Variants in TSPAN33 observed in about 807,000 individuals in gnomAD.
The protein encoded by TSPAN33 is tetraspanin-33.
Under a neutral mutation model 34.8 loss-of-function variants are expected in TSPAN33, and 27 were observed. The ratio of observed to expected loss-of-function variants is 0.78; its 90% CI spans 0.57 to 1.07. TSPAN33 has a LOEUF of 1.07. Ranked by LOEUF, TSPAN33 falls within the 50% of genes least tolerant of loss-of-function variation. The probability of loss-of-function intolerance (pLI) is 0.00; values close to 1 mark genes in which losing one functional copy is unlikely to be tolerated. For missense variants in TSPAN33, 272 were observed against 324.9 expected (o/e 0.84, Z 1.25); for synonymous variants, 119 against 124.2 (o/e 0.96, Z 0.28).
At chr7:129,158,293 A>C (rs1308680111) in intron 1 of TSPAN33, among the ~76,000 whole-genome samples, 1 of 152,252 alleles carries the variant, frequency 6.6e-6, no homozygotes, top group Non-Finnish European at 1.5e-5. Flanking sequence ...AGACGTGGAC[A>C]TCTTTGAGGG....
Position 129,167,520 on chromosome 7 carries a change from TCTTA to T in TSPAN33, c.714_717del (p.Leu239ValfsTer5), listed in dbSNP as rs749855167. On this transcript the variant is annotated frameshift_variant, in exon 7 of 8. Coordinates refer to ENST00000486685, the MANE Select transcript of TSPAN33 (RefSeq NM_178562.5). LOFTEE classifies it high-confidence loss of function. The surrounding 1 kb of genome is among the most constrained non-coding windows in gnomAD (Gnocchi z 4.6). ...GTCAACTGGATACACAGCAACCTAT[TCTTA>T]CTTGGTGGTGTGGCTCTAGGCCTGG... 9 of 1,614,180 alleles carry T rather than the reference TCTTA, an allele frequency of 5.6e-6. 1 individual carries two copies. The South Asian group carries it at 6.6e-5, about 12-fold the overall frequency.
intron 1 of TSPAN33, among the ~76,000 whole-genome samples, chr7:129,151,584 T>TGTA (rs1237668399): frequency 6.6e-6 from 1 of 152,166 alleles, no homozygotes; most frequent in Non-Finnish European, 1.5e-5. Flanking sequence ...CCTGAAGTAC[T>TGTA]GTCTTGTGGG....
At position 129,147,529 on chromosome 7, in the gene TSPAN33, G is replaced by A. The variant is rs969172064; in HGVS notation, c.102+2447G>A. On this transcript the variant is annotated intron_variant, in intron 1 of 7. Transcript: ENST00000486685. ...AAATGCTGCCTCCCCAGATCAGGGGGCCATCTTTCTTCCTAGCTCCTCTTC... is the reference window on the plus strand; with the variant it reads ...AAATGCTGCCTCCCCAGATCAGGGGACCATCTTTCTTCCTAGCTCCTCTTC... Among the ~76,000 whole-genome samples, 8 of 152,176 alleles carry A rather than the reference G, an allele frequency of 5.3e-5. 1 individual carries two copies. In the South Asian group the frequency reaches 1.4e-3, roughly 28 times the overall value.
At chr7:129,160,282 G>T (rs1332547012) in intron 1 of TSPAN33, among the ~76,000 whole-genome samples, 2 of 152,162 alleles carry the variant, frequency 1.3e-5, no homozygotes, top group African/African-American at 4.8e-5. Flanking sequence ...CTTTCCAGCT[G>T]CTTTCCGTCT....
At chr7:129,149,821 C>T (rs774896421) in intron 1 of TSPAN33, among the ~76,000 whole-genome samples, 6 of 152,230 alleles carry the variant, frequency 3.9e-5, no homozygotes, top group Admixed American at 2.0e-4. Context: ...AGAGGGAGAG[C>T]GCTGACAGCC....
At chr7:129,162,294 C>T in intron 2 of TSPAN33, 100 bp from the exon 3 acceptor site, 1 of 1,546,778 alleles carries the variant, frequency 6.5e-7, no homozygotes, top group Non-Finnish European at 8.7e-7. Flanking sequence ...TGGAGATTCC[C>T]CCACCAGGGG....
At chr7:129,157,067 C>G (rs1179078818) in intron 1 of TSPAN33, among the ~76,000 whole-genome samples, 1 of 152,196 alleles carries the variant, frequency 6.6e-6, no homozygotes, top group Admixed American at 6.5e-5. Flanking sequence ...TATCTCCATC[C>G]TCATCGTGAA....
At position 129,144,804 on chromosome 7, in the gene TSPAN33, C is replaced by T. The variant is rs1430117274; in HGVS notation, c.-177C>T. On this transcript the variant is annotated 5_prime_UTR_variant, in exon 1 of 8. Coordinates refer to ENST00000486685, the MANE Select transcript of TSPAN33 (RefSeq NM_178562.5). ...CTCCAGCAGCTCCAGGCGCGGTTCC[C>T]CGGCCCGCGCCGCTCCCGGCCCCCC... is the stretch of plus-strand genomic sequence containing the variant. 6.7e-6 allele frequency: 1 copy of T among 149,080 alleles called. No homozygotes were observed. The highest frequency in any genetic ancestry group is 1.5e-5 in the Non-Finnish European group (1 of 66,884). The allele number at this position is 149,080 out of a possible 1,614,324, so 9.2% of individuals were successfully genotyped here.
At position 129,164,558 on chromosome 7, in the gene TSPAN33, G is replaced by C. The variant is rs375163893; in HGVS notation, c.448G>C (p.Gly150Arg). 195 of 1,613,666 alleles carry C rather than the reference G, an allele frequency of 1.2e-4. No homozygotes were observed. The highest frequency in any genetic ancestry group is 1.4e-4 in the Non-Finnish European group (163 of 1,179,936). The change falls in exon 5 of 8, where the codon GGC becomes CGC. Residue 150 changes from glycine to arginine, a missense_variant. Transcript: ENST00000486685. The part of the protein sequence containing the change: ...DLDLQNLIDF[G>R]QKKFSCCGGI... ...GGATCTGCAGAACCTCATTGATTTT[G>C]GCCAGAAAAAGGTATGGGTCAGCCA...
At chr7:129,152,262 A>C (rs918552790) in intron 1 of TSPAN33, among the ~76,000 whole-genome samples, 8 of 152,236 alleles carry the variant, frequency 5.3e-5, no homozygotes, top group African/African-American at 1.2e-4. Context: ...GTATTCAAAC[A>C]AGACCTTTTA....
intron 5 of TSPAN33, 44 bp downstream of exon 5, chr7:129,164,613 A>C (rs752490851): frequency 3.9e-6 from 6 of 1,552,594 alleles, no homozygotes; most frequent in Non-Finnish European, 5.3e-6. Context: ...GTAAAAGTGA[A>C]TGTCATCCCA....
chr7:129,154,523 C>T (rs1009411931), intron 1 of TSPAN33, among the ~76,000 whole-genome samples: 1 of 152,156 alleles, frequency 6.6e-6, no homozygotes, highest in Admixed American at 6.5e-5. Context: ...GGGTGAATCA[C>T]CTGAGGTCAG....
At chr7:129,158,894 G>T (rs34861042) in intron 1 of TSPAN33, among the ~76,000 whole-genome samples, 12,755 of 151,832 alleles carry the variant, frequency 0.084, 663 homozygotes, top group South Asian at 0.14. Flanking sequence ...GGGACTACAG[G>T]CATGTGCCAC....
At chr7:129,155,909 A>AT (rs1810659307) in intron 1 of TSPAN33, among the ~76,000 whole-genome samples, 1 of 151,640 alleles carries the variant, frequency 6.6e-6, no homozygotes, top group Non-Finnish European at 1.5e-5. Context: ...TTTTATTTTT[A>AT]TTTTTTGTAG....
At position 129,167,627 on chromosome 7, in the gene TSPAN33, C is replaced by T; in HGVS notation, c.750+67C>T. 2 of 1,583,982 alleles carry T rather than the reference C, an allele frequency of 1.3e-6. No individual in the cohort carries two copies. Among genetic ancestry groups the T allele is most frequent in the South Asian group, 1.1e-5 (1 of 87,928 alleles). Reference sequence around the variant, plus strand: ...AAAGACTCCTTTGTTTTGGGGAAGGCACCTGGGGATCAGCGAGGGTGTCAG... The same window carrying T: ...AAAGACTCCTTTGTTTTGGGGAAGGTACCTGGGGATCAGCGAGGGTGTCAG... On this transcript the variant is annotated intron_variant, in intron 7 of 7. Transcript: ENST00000486685. This position sits in a 1 kb window ranked among gnomAD's most constrained non-coding sequence, Gnocchi z 4.6.
chr7:129,149,113 T>A (rs1312938522), intron 1 of TSPAN33, among the ~76,000 whole-genome samples: 6 of 152,192 alleles, frequency 3.9e-5, no homozygotes, highest in African/African-American at 1.4e-4. Flanking sequence ...AGATGCTTTT[T>A]ATAAAAACAA....
rs1478444027 is a variant in TSPAN33, at chr7:129,167,257, G to A, written c.589-142G>A. On this transcript the variant is annotated intron_variant, in intron 6 of 7. Transcript: ENST00000486685. The surrounding 1 kb of genome is among the most constrained non-coding windows in gnomAD (Gnocchi z 4.6). The stretch of plus-strand genomic sequence containing the variant: ...CTCAGAGGAAGGGAAGTCTGCATTT[G>A]GCAACTTCCAACCCAATATCCTCCA... 2.9e-6 allele frequency: 3 copies of A among 1,047,034 alleles called. No individual in the cohort carries two copies. The highest frequency in any genetic ancestry group is 2.5e-4 in the Middle Eastern group (1 of 4,064). 64.9% of individuals were successfully genotyped at this position (1,047,034 alleles called of 1,614,324 possible).
At chr7:129,146,968 C>A (rs372163754) in intron 1 of TSPAN33, among the ~76,000 whole-genome samples, 1 of 151,652 alleles carries the variant, frequency 6.6e-6, no homozygotes, top group East Asian at 1.9e-4. Flanking sequence ...TTCCCTACCC[C>A]CTACCTCCAC....
In TSPAN33 at chr7:129,167,863, C is replaced by G; in HGVS notation, c.841C>G (p.Pro281Ala). The G allele has an allele frequency of 6.2e-7, 1 of 1,613,998 alleles. No individual in the cohort carries two copies. The highest frequency in any genetic ancestry group is 2.2e-5 in the East Asian group (1 of 44,882). ...CTACAACCAGCAGCACCGGGCTGAC[C>G]CATGGTACTGAGAATCCATCCTGCA... Reference protein sequence around the residue: ...QLYNQQHRADPWY With the variant: ...QLYNQQHRADAWY Residue 281 changes from proline (P) to alanine (A), a missense_variant, in exon 8 of 8, where the codon CCA (proline) becomes GCA (alanine). Physicochemically the swap from Pro to Ala is conservative, Grantham distance 27. Transcript: ENST00000486685. The surrounding 1 kb of genome is among the most constrained non-coding windows in gnomAD (Gnocchi z 4.6).
Sources: gnomAD v4.1 joint callset for allele counts (sites outside exome capture counted in the v4.1 genomes callset) on GRCh38, gnomAD v4.1.1 for gene constraint, Gnocchi (gnomAD v3.1) non-coding constraint, MANE v1.5 for transcripts, NCBI Gene and HGNC (gene_info 2026-07-23, HGNC 2026-07-21) for gene names.